PCCA: variants seen among roughly 807,000 people sequenced by gnomAD.
The protein encoded by PCCA is propionyl-CoA carboxylase subunit alpha, also known as propionyl-CoA carboxylase alpha chain, mitochondrial.
In PCCA, 74 loss-of-function variants were observed where a neutral mutation model predicts 101.3. The ratio of observed to expected loss-of-function variants is 0.73; its 90% CI spans 0.61 to 0.89. The LOEUF (loss-of-function observed/expected upper bound fraction) is 0.89. PCCA is among the 40% of genes least tolerant of loss of function. The pLI, the probability that PCCA is intolerant of heterozygous loss-of-function variation, is 0.00. For missense variants in PCCA, 891 were observed against 907.0 expected, an observed-to-expected ratio of 0.98 and a Z score of 0.23; for synonymous variants, 294 against 313.6, an observed-to-expected ratio of 0.94 and a Z score of 0.66.
chr13:100,364,659 C>A (rs1250539841), intron 18 of PCCA, among the ~76,000 whole-genome samples: 1 of 152,170 alleles, frequency 6.6e-6, no homozygotes, highest in Non-Finnish European at 1.5e-5. Flanking sequence ...AGTGAACTTA[C>A]AAATAGATTT....
intron 6 of PCCA, among the ~76,000 whole-genome samples, chr13:100,172,767 C>T (rs1317935331): frequency 1.3e-5 from 2 of 152,206 alleles, no homozygotes; most frequent in Non-Finnish European, 2.9e-5. Flanking sequence ...ATTCCCACCC[C>T]TCTGCATGTA....
chr13:100,520,293 C>T (rs750009087), intron 22 of PCCA, among the ~76,000 whole-genome samples: 1 of 152,302 alleles, frequency 6.6e-6, no homozygotes, highest in African/African-American at 2.4e-5. Flanking sequence ...TCAGAGGTAA[C>T]GACTACCCCT....
intron 14 of PCCA, chr13:100,305,702 A>G: frequency 3.2e-6 from 1 of 316,232 alleles, no homozygotes; most frequent in Non-Finnish European, 6.5e-6. Context: ...GGGAAAAGGT[A>G]GATTGTGATT....
rs542837550 is a variant in PCCA at position 100,473,543 on chromosome 13, C to T, written c.1899+24238C>T. ...GGTTACACTCTCTATAGTACATACA[C>T]TCAGACAGAAAAATATATTTCACGA... On this transcript the variant is annotated intron_variant, in intron 21 of 23. Coordinates refer to ENST00000376285, the MANE Select transcript of PCCA (RefSeq NM_000282.4). 2.0e-5 allele frequency among the ~76,000 whole-genome samples: 3 copies of T among 152,310 alleles called. No individual in the cohort carries two copies. In the South Asian group the frequency reaches 6.2e-4, roughly 32 times the overall value.
At chr13:100,512,845 A>G (rs532047088) in intron 21 of PCCA, among the ~76,000 whole-genome samples, 4 of 152,326 alleles carry the variant, frequency 2.6e-5, no homozygotes, top group Admixed American at 6.5e-5. Context: ...GAATAGTTAA[A>G]TGCCCACGGT....
chr13:100,209,299 T>C lies in PCCA; in HGVS notation c.469-33T>C, dbSNP rs2059061805. The C allele has an allele frequency of 2.5e-6, 4 of 1,602,558 alleles. No individual in the cohort carries two copies. The East Asian group carries it at 8.9e-5, about 36-fold the overall frequency. On this transcript the variant is annotated intron_variant, in intron 6 of 23. Coordinates refer to ENST00000376285, the MANE Select transcript of PCCA (RefSeq NM_000282.4). ...CTCCACATCATGCTCCGTAATGTTC[T>C]TGTTATAAATTTTGACTTGTTTTTC... is the stretch of plus-strand genomic sequence containing the variant.
intron 7 of PCCA, among the ~76,000 whole-genome samples, chr13:100,228,564 G>T (rs1382676163): frequency 1.3e-5 from 2 of 152,052 alleles, no homozygotes; most frequent in African/African-American, 4.8e-5. Context: ...TTTGTGAAGA[G>T]ATAATGTTGT....
At chr13:100,181,294 T>C (rs938436694) in intron 6 of PCCA, among the ~76,000 whole-genome samples, 1 of 152,234 alleles carries the variant, frequency 6.6e-6, no homozygotes, top group African/African-American at 2.4e-5. Flanking sequence ...TTATCATATA[T>C]TTATTGAAAA....
At position 100,527,673 on chromosome 13, in the gene PCCA, A is replaced by G. The variant is rs776281864; in HGVS notation, c.2041-2A>G. 38 of 1,611,116 alleles carry G rather than the reference A, an allele frequency of 2.4e-5. No individual in the cohort carries two copies. Among genetic ancestry groups the G allele is most frequent in the Non-Finnish European group, 3.1e-5 (37 of 1,177,348 alleles). On this transcript the variant is annotated splice_acceptor_variant, in intron 22 of 23. Coordinates refer to ENST00000376285, the MANE Select transcript of PCCA (RefSeq NM_000282.4). LOFTEE classifies it high-confidence loss of function. ...AAACTTCTGCCCATTTTTGTTTTCC[A>G]GGTAGCAGAAGGTCAAGAAATTTGT...
At chr13:100,350,588 A>G (rs908710789) in intron 18 of PCCA, among the ~76,000 whole-genome samples, 7 of 152,236 alleles carry the variant, frequency 4.6e-5, no homozygotes, top group Non-Finnish European at 1.5e-5. Flanking sequence ...AGTACAAGAT[A>G]CTAAGTGGAT....
intron 21 of PCCA, among the ~76,000 whole-genome samples, chr13:100,502,983 TTA>T: frequency 6.6e-6 from 1 of 152,280 alleles, no homozygotes. Flanking sequence ...AAAGCTGTAT[TTA>T]CAGCTGGACC....
At chr13:100,524,983 G>GGATGGATGGATGGATAGATAGATAGATA (rs1555330339) in intron 22 of PCCA, among the ~76,000 whole-genome samples, 2 of 137,174 alleles carry the variant, frequency 1.5e-5, no homozygotes, top group Non-Finnish European at 1.6e-5. Context: ...TCTCTAAGAT[G>GGATGGATGGATGGATAGATAGATAGATA]GATAGATAGA....
At chr13:100,230,631 C>T (rs566433142) in intron 7 of PCCA, among the ~76,000 whole-genome samples, 10 of 152,198 alleles carry the variant, frequency 6.6e-5, no homozygotes, top group African/African-American at 2.4e-4. Flanking sequence ...TTCCTGTCAC[C>T]CAGACTACTG....
chr13:100,403,384 T>C (rs2077481851), intron 19 of PCCA, among the ~76,000 whole-genome samples: 1 of 152,108 alleles, frequency 6.6e-6, no homozygotes, highest in Non-Finnish European at 1.5e-5. Flanking sequence ...AAAGAGGTTT[T>C]AGTTGGCACA....
At chr13:100,518,954 T>C (rs917808379) in intron 22 of PCCA, among the ~76,000 whole-genome samples, 5 of 152,232 alleles carry the variant, frequency 3.3e-5, no homozygotes, top group African/African-American at 1.2e-4. Context: ...TTTTTCCACA[T>C]GTCAAATTAG....
chr13:100,332,496 A>G (rs1185026325), intron 17 of PCCA, among the ~76,000 whole-genome samples: 1 of 152,016 alleles, frequency 6.6e-6, no homozygotes, highest in African/African-American at 2.4e-5. Context: ...ATATGCATGT[A>G]TGGGTATTTA....
chr13:100,398,451 T>A (rs1471093560), intron 19 of PCCA, among the ~76,000 whole-genome samples: 1 of 152,198 alleles, frequency 6.6e-6, no homozygotes, highest in Non-Finnish European at 1.5e-5. Context: ...ATATTCTTGC[T>A]AGCATTCTGT....
At chr13:100,527,117 A>G (rs1413083514) in intron 22 of PCCA, among the ~76,000 whole-genome samples, 2 of 150,928 alleles carry the variant, frequency 1.3e-5, no homozygotes, top group Non-Finnish European at 1.5e-5. Flanking sequence ...TTTTTTTGGT[A>G]ACAGCTATAC....
At position 100,445,617 on chromosome 13, in the gene PCCA, T is replaced by C. The variant is rs180832212; in HGVS notation, c.1846-3635T>C. Among the ~76,000 whole-genome samples the C allele has an allele frequency of 2.5e-3, 386 of 152,324 alleles. 4 individuals carry two copies. The highest frequency in any genetic ancestry group is 8.9e-3 in the African/African-American group (372 of 41,576). On this transcript the variant is annotated intron_variant, in intron 20 of 23. Coordinates refer to ENST00000376285, the MANE Select transcript of PCCA (RefSeq NM_000282.4). ...CCAACCACCATTCTATTTTCTACTC[T>C]ATGAGTTTGACGTTTCCAGATTCTT... is the stretch of plus-strand genomic sequence containing the variant.
Sources: gnomAD v4.1 joint callset for allele counts (sites outside exome capture counted in the v4.1 genomes callset) on GRCh38, gnomAD v4.1.1 for gene constraint, MANE v1.5 for transcripts, NCBI Gene and HGNC (gene_info 2026-07-23, HGNC 2026-07-21) for gene names.